Variants in CADM2 observed in about 807,000 individuals in gnomAD.
CADM2 encodes the protein immunoglobulin superfamily member 4D.
A neutral mutation model predicts 49.8 loss-of-function variants in CADM2; 12 were observed. That is an observed-to-expected ratio of 0.24 (90% CI 0.15 to 0.39). The LOEUF (loss-of-function observed/expected upper bound fraction) is 0.39. Among genes scored for constraint, CADM2 ranks in the 10% least tolerant of loss-of-function variants. The pLI, the probability that CADM2 is intolerant of heterozygous loss-of-function variation, is 1.00. For missense variants in CADM2, 378 were observed against 492.3 expected (o/e 0.77, Z 2.20); for synonymous variants, 214 against 175.4 (o/e 1.22, Z -1.74).
At chr3:85,297,551 C>G (rs1193284696) in intron 1 of CADM2, among the ~76,000 whole-genome samples, 1 of 151,966 alleles carries the variant, frequency 6.6e-6, no homozygotes, top group East Asian at 1.9e-4. Flanking sequence ...GGGGTCTCAG[C>G]CAAGCAGCTG....
chr3:85,650,114 C>T (rs969332532), intron 1 of CADM2, among the ~76,000 whole-genome samples: 5 of 152,122 alleles, frequency 3.3e-5, no homozygotes, highest in African/African-American at 7.2e-5. Context: ...AAAATCATGA[C>T]GTTCAATTAA....
chr3:85,531,755 G>A (rs1020126993), intron 1 of CADM2, among the ~76,000 whole-genome samples: 1 of 151,886 alleles, frequency 6.6e-6, no homozygotes. Flanking sequence ...ACGAAATAAA[G>A]GTAGAAAAAT....
chr3:85,314,734 A>T (rs770160345), intron 1 of CADM2, among the ~76,000 whole-genome samples: 17 of 152,312 alleles, frequency 1.1e-4, no homozygotes, highest in Non-Finnish European at 2.2e-4. Context: ...AGAGAAGTAT[A>T]AATTTGAACT....
intron 1 of CADM2, among the ~76,000 whole-genome samples, chr3:84,969,741 T>C (rs2031280577): frequency 6.6e-6 from 1 of 151,924 alleles, no homozygotes; most frequent in Admixed American, 6.6e-5. Context: ...TACTAAATAA[T>C]GGTGTACTTA....
chr3:85,035,886 A>C (rs989241907), intron 1 of CADM2, among the ~76,000 whole-genome samples: 1 of 152,204 alleles, frequency 6.6e-6, no homozygotes, highest in Non-Finnish European at 1.5e-5. Flanking sequence ...TTTTTCAGGA[A>C]AATATCTATT....
At chr3:86,017,144 GTA>G (rs1268030324) in intron 8 of CADM2, among the ~76,000 whole-genome samples, 1 of 137,370 alleles carries the variant, frequency 7.3e-6, no homozygotes, top group East Asian at 2.1e-4. Context: ...AAAAATGTGT[GTA>G]TATATATGTG....
At chr3:85,012,432 C>T (rs2034043514) in intron 1 of CADM2, among the ~76,000 whole-genome samples, 1 of 149,716 alleles carries the variant, frequency 6.7e-6, no homozygotes, top group Admixed American at 6.7e-5. Flanking sequence ...TTTTCAGCCC[C>T]TTAAGACTTT....
intron 1 of CADM2, among the ~76,000 whole-genome samples, chr3:85,706,973 T>G (rs1488371585): frequency 6.6e-6 from 1 of 152,098 alleles, no homozygotes; most frequent in Non-Finnish European, 1.5e-5. Flanking sequence ...CTTATTATTA[T>G]TTTTAATTTT....
At chr3:85,994,125 A>G (rs1412461496) in intron 8 of CADM2, 1 of 152,182 alleles carries the variant, frequency 6.6e-6, no homozygotes, top group Admixed American at 6.5e-5. Context: ...TCTACATTTA[A>G]ATGCTGTTGC....
intron 1 of CADM2, among the ~76,000 whole-genome samples, chr3:85,349,763 A>G (rs1435787597): frequency 1.3e-5 from 2 of 152,204 alleles, no homozygotes; most frequent in Non-Finnish European, 2.9e-5. Flanking sequence ...TGCAAAATTT[A>G]GACAGTGTCT....
intron 1 of CADM2, among the ~76,000 whole-genome samples, chr3:85,212,764 A>G (rs2107771498): frequency 6.6e-6 from 1 of 150,808 alleles, no homozygotes; most frequent in African/African-American, 2.4e-5. Context: ...TCTGCATCTT[A>G]CTATTACCAG....
intron 3 of CADM2, among the ~76,000 whole-genome samples, chr3:85,815,842 A>G (rs1365354856): frequency 2.0e-5 from 3 of 152,142 alleles, no homozygotes; most frequent in African/African-American, 7.2e-5. Flanking sequence ...TATATTTAGA[A>G]AACCTCATCA....
intron 8 of CADM2, among the ~76,000 whole-genome samples, chr3:85,982,771 T>C (rs553234740): frequency 6.6e-6 from 1 of 151,802 alleles, no homozygotes; most frequent in African/African-American, 2.4e-5. Context: ...TATAAGTTTG[T>C]GAAAGATGGT....
rs1398428322 is a variant in CADM2, at chr3:85,136,622, T to C, written c.61+176954T>C. Among the ~76,000 whole-genome samples, 5 of 152,096 alleles carry C rather than the reference T, an allele frequency of 3.3e-5. No individual in the cohort carries two copies. The South Asian group carries it at 8.3e-4, about 25-fold the overall frequency. On this transcript the variant is annotated intron_variant, in intron 1 of 9. Transcript: ENST00000383699. ...TAAAAAATAAATTAGACCCAATGGT[T>C]TAGATTTGGATATATTTCACTTTAC...
chr3:86,006,271 G>A (rs557787542), intron 8 of CADM2, among the ~76,000 whole-genome samples: 2 of 152,256 alleles, frequency 1.3e-5, no homozygotes, highest in Admixed American at 6.5e-5. Context: ...ATTAATATGG[G>A]ATGTTCCTCT....
At chr3:85,456,426 A>G (rs966131354) in intron 1 of CADM2, among the ~76,000 whole-genome samples, 2 of 152,186 alleles carry the variant, frequency 1.3e-5, no homozygotes, top group Admixed American at 6.5e-5. Context: ...TGGCCATACA[A>G]AGAATATTCA....
intron 8 of CADM2, among the ~76,000 whole-genome samples, chr3:85,970,833 G>T (rs1726033349): frequency 6.6e-6 from 1 of 151,440 alleles, no homozygotes; most frequent in Non-Finnish European, 1.5e-5. Flanking sequence ...TATTAAATGA[G>T]AAGCGGTATC....
intron 1 of CADM2, among the ~76,000 whole-genome samples, chr3:85,349,505 C>T (rs1467410403): frequency 6.6e-6 from 1 of 152,058 alleles, no homozygotes; most frequent in African/African-American, 2.4e-5. Context: ...TTCTGTCTTC[C>T]CTAACAATTT....
chr3:85,872,409 CAT>C (rs765913509), intron 3 of CADM2, among the ~76,000 whole-genome samples: 206 of 151,874 alleles, frequency 1.4e-3, no homozygotes, highest in Non-Finnish European at 1.9e-3. Flanking sequence ...GTGAATTTCA[CAT>C]GTGTCTAATT....
Sources: gnomAD v4.1 joint callset for allele counts (sites outside exome capture counted in the v4.1 genomes callset) on GRCh38, gnomAD v4.1.1 for gene constraint, MANE v1.5 for transcripts, NCBI Gene and HGNC (gene_info 2026-07-23, HGNC 2026-07-21) for gene names.